PID1: variants seen among roughly 807,000 people sequenced by gnomAD.
PID1 encodes phosphotyrosine interaction domain containing 1.
In PID1, 10 loss-of-function variants were observed where a neutral mutation model predicts 19.1. That is an observed-to-expected ratio of 0.52 (90% confidence interval 0.32 to 0.89). The LOEUF is 0.89. Ranked by LOEUF, PID1 falls within the 40% of genes least tolerant of loss-of-function variation. The pLI is 0.03. For missense variants in PID1, 248 were observed against 285.3 expected (o/e 0.87, Z 0.94); for synonymous variants, 130 against 116.0 (o/e 1.12, Z -0.78).
Position 229,210,579 on chromosome 2 carries a change from G to A in PID1, c.31-54615C>T, listed in dbSNP as rs536706247. On this transcript the variant is annotated intron_variant, in intron 1 of 2. Coordinates refer to ENST00000392055, the MANE Select transcript of PID1 (RefSeq NM_001100818.2). ...ACAACCTAGAAGGAAAAAGTCAGAA[G>A]ACTTCAAGTCACTTTTCTCAGCATC... Among the ~76,000 whole-genome samples, 136 of 100,026 alleles carry A rather than the reference G, an allele frequency of 1.4e-3. 2 individuals are homozygous for A. The Middle Eastern group carries it at 0.045, about 33-fold the overall frequency. The allele number at this position is 100,026 out of a possible 152,430, so 65.6% of individuals were successfully genotyped here.
intron 1 of PID1, among the ~76,000 whole-genome samples, chr2:229,201,416 GCCCT>G: frequency 6.6e-6 from 1 of 152,074 alleles, no homozygotes; most frequent in East Asian, 1.9e-4. Flanking sequence ...TTAGCATAAT[GCCCT>G]CAAGGTTCAT....
At chr2:229,265,900 G>A (rs1690581444) in intron 1 of PID1, among the ~76,000 whole-genome samples, 1 of 152,138 alleles carries the variant, frequency 6.6e-6, no homozygotes, top group Admixed American at 6.6e-5. Context: ...AACACTCCAA[G>A]ATAACTCAGT....
intron 2 of PID1, among the ~76,000 whole-genome samples, chr2:229,097,533 C>T (rs1013447984): frequency 2.6e-5 from 4 of 151,952 alleles, no homozygotes; most frequent in African/African-American, 9.7e-5. Context: ...TTATATAAGC[C>T]CTATAGCTTT....
chr2:229,053,122 A>C (rs1694028277), intron 2 of PID1, among the ~76,000 whole-genome samples: 1 of 152,212 alleles, frequency 6.6e-6, no homozygotes, highest in Non-Finnish European at 1.5e-5. Flanking sequence ...GATTTCTATC[A>C]ATTAAAATAT....
chr2:229,068,831 G>A (rs1694386844), intron 2 of PID1, among the ~76,000 whole-genome samples: 1 of 152,154 alleles, frequency 6.6e-6, no homozygotes, highest in Non-Finnish European at 1.5e-5. Flanking sequence ...TAAGTCACTT[G>A]CCCACAGAGG....
At chr2:229,162,946 AT>A (rs2106201984) in intron 1 of PID1, among the ~76,000 whole-genome samples, 1 of 152,368 alleles carries the variant, frequency 6.6e-6, no homozygotes, top group East Asian at 1.9e-4. Flanking sequence ...AATAAATGAC[AT>A]AAAATCAAAA....
intron 1 of PID1, among the ~76,000 whole-genome samples, chr2:229,209,943 T>C (rs1156460858): frequency 6.6e-6 from 1 of 152,098 alleles, no homozygotes; most frequent in South Asian, 2.1e-4. Flanking sequence ...CAAGGAAAGG[T>C]TATTACCAAG....
intron 2 of PID1, among the ~76,000 whole-genome samples, chr2:229,054,846 G>A (rs1395691546): frequency 1.3e-5 from 2 of 151,798 alleles, no homozygotes; most frequent in African/African-American, 4.8e-5. Context: ...CTCCCTCATG[G>A]ATTGGTAAGT....
chr2:229,098,680 T>C (rs999025255), intron 2 of PID1, among the ~76,000 whole-genome samples: 1 of 152,154 alleles, frequency 6.6e-6, no homozygotes, highest in Non-Finnish European at 1.5e-5. Context: ...ACTCCTCGAT[T>C]GCATGATTAT....
intron 2 of PID1, among the ~76,000 whole-genome samples, chr2:229,068,604 C>T (rs2106199769): frequency 6.6e-6 from 1 of 152,204 alleles, no homozygotes; most frequent in Middle Eastern, 3.4e-3. Context: ...GTGGGGAAAG[C>T]TTAGTTGGAG....
chr2:229,148,756 G>C (rs998301911), intron 2 of PID1, among the ~76,000 whole-genome samples: 1 of 151,452 alleles, frequency 6.6e-6, no homozygotes, highest in Non-Finnish European at 1.5e-5. Flanking sequence ...GGGAAAGAGG[G>C]AGAGAGGGAA....
At chr2:229,031,570 A>G (rs533736520) in intron 2 of PID1, among the ~76,000 whole-genome samples, 2 of 152,118 alleles carry the variant, frequency 1.3e-5, no homozygotes, top group Admixed American at 6.5e-5. Context: ...AAAAGAAAAG[A>G]AAAGGAAAGA....
chr2:229,221,578 G>A (rs544807788), intron 1 of PID1, among the ~76,000 whole-genome samples: 4 of 152,054 alleles, frequency 2.6e-5, no homozygotes, highest in African/African-American at 7.2e-5. Context: ...TTTCCCCCAC[G>A]GTACTGCCCT....
intron 2 of PID1, among the ~76,000 whole-genome samples, chr2:229,154,799 C>A (rs1340176510): frequency 1.3e-5 from 2 of 152,174 alleles, no homozygotes; most frequent in Non-Finnish European, 2.9e-5. Context: ...GATTTTATTT[C>A]CACTACTCAA....
intron 2 of PID1, among the ~76,000 whole-genome samples, chr2:229,076,126 T>C (rs1424728483): frequency 2.0e-5 from 3 of 152,216 alleles, no homozygotes; most frequent in South Asian, 2.1e-4. Context: ...ACCTTCTGGA[T>C]TGAAGTTTCC....
chr2:229,154,855 T>C (rs1690332689), intron 2 of PID1, among the ~76,000 whole-genome samples: 1 of 152,254 alleles, frequency 6.6e-6, no homozygotes, highest in Non-Finnish European at 1.5e-5. Flanking sequence ...ATTTTCTTTG[T>C]GATCTCTAAA....
chr2:229,078,407 G>A (rs1054376826), intron 2 of PID1, among the ~76,000 whole-genome samples: 3 of 152,074 alleles, frequency 2.0e-5, no homozygotes, highest in African/African-American at 7.2e-5. Context: ...TTACCTGATT[G>A]CCCTGGTCAG....
intron 1 of PID1, among the ~76,000 whole-genome samples, chr2:229,209,323 A>C (rs1691676827): frequency 6.6e-6 from 1 of 152,156 alleles, no homozygotes; most frequent in African/African-American, 2.4e-5. Flanking sequence ...GTGGGCACTC[A>C]TCTGGGCCAC....
At chr2:229,116,701 T>C (rs1246348180) in intron 2 of PID1, among the ~76,000 whole-genome samples, 2 of 152,324 alleles carry the variant, frequency 1.3e-5, no homozygotes, top group East Asian at 3.9e-4. Flanking sequence ...TCCCCAACCA[T>C]GCAGAACTGT....
Sources: gnomAD v4.1 joint callset for allele counts (sites outside exome capture counted in the v4.1 genomes callset) on GRCh38, gnomAD v4.1.1 for gene constraint, MANE v1.5 for transcripts, NCBI Gene and HGNC (gene_info 2026-07-23, HGNC 2026-07-21) for gene names.